Variants in CAGE1 observed in about 807,000 individuals in gnomAD.
CAGE1 encodes the protein cancer-associated gene 1 protein.
Under a neutral mutation model 94.9 loss-of-function variants are expected in CAGE1, and 66 were observed. That is an observed-to-expected ratio of 0.70 (90% CI 0.57 to 0.85). The LOEUF (loss-of-function observed/expected upper bound fraction) is 0.85. Among genes scored for constraint, CAGE1 ranks in the 40% least tolerant of loss-of-function variants. The pLI is 0.00. For synonymous variants in CAGE1, 319 were observed against 321.0 expected, an observed-to-expected ratio of 0.99 and a Z score of 0.07; for missense variants, 865 against 950.4, an observed-to-expected ratio of 0.91 and a Z score of 1.18.
chr6:7,352,290 C>CAAAA (rs77426667), intron 11 of CAGE1, among the ~76,000 whole-genome samples: 9 of 43,618 alleles, frequency 2.1e-4, no homozygotes, highest in South Asian at 9.9e-4. Flanking sequence ...ACAATAGCTG[C>CAAAA]AAAAAAAAAA....
At chr6:7,349,360 T>C (rs1759683660) in intron 11 of CAGE1, among the ~76,000 whole-genome samples, 1 of 152,188 alleles carries the variant, frequency 6.6e-6, no homozygotes, top group African/African-American at 2.4e-5. Flanking sequence ...AAACAAATGC[T>C]GAGAGAATTC....
At chr6:7,384,561 AT>A (rs1761049265) in intron 3 of CAGE1, among the ~76,000 whole-genome samples, 1 of 152,134 alleles carries the variant, frequency 6.6e-6, no homozygotes, top group South Asian at 2.1e-4. Context: ...GAGCCCAGGA[AT>A]TTGAGACCAG....
At chr6:7,341,486 A>G (rs1334330496) in intron 11 of CAGE1, 3 of 1,170,074 alleles carry the variant, frequency 2.6e-6, no homozygotes, top group African/African-American at 3.0e-5. Context: ...CAGGTATTCC[A>G]TCGCGAGTCT....
At chr6:7,342,137 C>A in intron 11 of CAGE1, 1 of 1,010,732 alleles carries the variant, frequency 9.9e-7, no homozygotes. Context: ...GCTTCACAAT[C>A]ACTCAGTTGG....
chr6:7,350,055 G>A (rs1470210656), intron 11 of CAGE1, among the ~76,000 whole-genome samples: 2 of 152,102 alleles, frequency 1.3e-5, no homozygotes, highest in Non-Finnish European at 2.9e-5. Flanking sequence ...AAAGTAAAGG[G>A]GTGGAAAAAG....
At position 7,378,993 on chromosome 6, in the gene CAGE1, T is replaced by C. The variant is rs762640407; in HGVS notation, c.311A>G (p.Asn104Ser). Residue 104 changes from asparagine to serine, a missense_variant, in exon 4 of 14, where the codon AAT becomes AGT. Coordinates refer to ENST00000502583, the MANE Select transcript of CAGE1 (RefSeq NM_001170692.2). ...NDNNIENYST[N>S]ALIQPVDTIS... ...GGTGTCAACTGGCTGAATTAGTGCA[T>C]TCGTTGAGTAATTTTCAATGTTGTT... 1 of 1,536,090 alleles carries C rather than the reference T, an allele frequency of 6.5e-7. No individual in the cohort carries two copies. Among genetic ancestry groups the C allele is most frequent in the Admixed American group, 2.2e-5 (1 of 46,330 alleles).
At chr6:7,358,979 GTA>G (rs1760076533) in intron 9 of CAGE1, among the ~76,000 whole-genome samples, 1 of 152,128 alleles carries the variant, frequency 6.6e-6, no homozygotes, top group Non-Finnish European at 1.5e-5. Flanking sequence ...CCAAGCCTTA[GTA>G]TAGTCAGTCT....
intron 1 of CAGE1, among the ~76,000 whole-genome samples, chr6:7,387,863 C>CAAAAAAAAAA (rs70978962): frequency 3.7e-5 from 4 of 108,918 alleles, no homozygotes; most frequent in African/African-American, 6.7e-5. Context: ...ACTAAAAATA[C>CAAAAAAAAAA]AAAAAAAAAA....
chr6:7,351,008 C>T (rs924307468), intron 11 of CAGE1, among the ~76,000 whole-genome samples: 2 of 151,926 alleles, frequency 1.3e-5, no homozygotes, highest in Non-Finnish European at 2.9e-5. Context: ...ATTGATAGAT[C>T]ATTTATTAGA....
In CAGE1 at chr6:7,347,512, G is replaced by C. The variant is rs1310936296; in HGVS notation, c.2369+7529C>G. 4.8e-5 allele frequency: 6 copies of C among 126,304 alleles called. 1 individual carries two copies. The highest frequency in any genetic ancestry group is 3.1e-4 in the South Asian group (1 of 3,278). The allele number at this position is 126,304 out of a possible 1,614,324, so 7.8% of individuals were successfully genotyped here. A position where few individuals can be genotyped will look rare whatever the true frequency, so the allele number is the denominator to read the frequency against. ...GGATCCAAAGCGAGGGTGGGGGGGG[G>C]GGTTGGGGGGGGCGGTGGGGGAACT... On this transcript the variant is annotated intron_variant, in intron 11 of 13. Transcript: ENST00000502583.
chr6:7,328,279 A>G (rs1259933291), intron 13 of CAGE1, among the ~76,000 whole-genome samples: 1 of 152,174 alleles, frequency 6.6e-6, no homozygotes, highest in African/African-American at 2.4e-5. Context: ...TCCTGTACTC[A>G]AAGAGTTCTA....
chr6:7,374,911 T>C (rs58343762), intron 4 of CAGE1, among the ~76,000 whole-genome samples: 13,844 of 151,970 alleles, frequency 0.091, 1,467 homozygotes, highest in African/African-American at 0.26. Flanking sequence ...ATGCTTATAA[T>C]CCCAGCTACT....
chr6:7,327,878 C>T (rs370702378), intron 13 of CAGE1, among the ~76,000 whole-genome samples: 2 of 151,848 alleles, frequency 1.3e-5, no homozygotes, highest in South Asian at 2.1e-4. Context: ...TGCAGTGAGC[C>T]GAGATTGCGC....
Position 7,373,607 on chromosome 6 carries a change from T to G in CAGE1, c.1212A>C (p.Glu404Asp), listed in dbSNP as rs766691727. 6.2e-7 allele frequency: 1 copy of G among 1,613,482 alleles called. No individual in the cohort carries two copies. The highest frequency in any genetic ancestry group is 8.5e-7 in the Non-Finnish European group (1 of 1,179,784). ...TCTTCTTAAATTGAAGCTGTAACAT[T>G]TCCTTGTCATTCCTGGATTCCTGAA... ...KHLQESRNDK[E>D]MLQLQFKKIK... The change falls in exon 5 of 14, where the codon GAA becomes GAC. Residue 404 changes from glutamate (E) to aspartate (D), a missense_variant. Physicochemically the swap from Glu to Asp is conservative, Grantham distance 45. Coordinates refer to ENST00000502583, the MANE Select transcript of CAGE1 (RefSeq NM_001170692.2).
At chr6:7,345,283 G>A (rs545642699) in intron 11 of CAGE1, among the ~76,000 whole-genome samples, 115 of 152,304 alleles carry the variant, frequency 7.6e-4, no homozygotes, top group African/African-American at 2.6e-3. Flanking sequence ...TTGCAGCACT[G>A]ACTGTTAAAG....
At position 7,335,120 on chromosome 6, in the gene CAGE1, C is replaced by T. The variant is rs552038088; in HGVS notation, c.2370-1030G>A. On this transcript the variant is annotated intron_variant, in intron 11 of 13. Transcript: ENST00000502583. ...CACCTTTTCTCCCCGTTTCCACTGT[C>T]ATGTTGACTCTTTATCTTCTGTCAT... 7.9e-5 allele frequency among the ~76,000 whole-genome samples: 12 copies of T among 152,330 alleles called. No individual in the cohort carries two copies. The South Asian group carries it at 2.3e-3, about 29-fold the overall frequency.
At position 7,362,614 on chromosome 6, in the gene CAGE1, C is replaced by T. The variant is rs148069907; in HGVS notation, c.2193+2854G>A. On this transcript the variant is annotated intron_variant, in intron 9 of 13. Coordinates refer to ENST00000502583, the MANE Select transcript of CAGE1 (RefSeq NM_001170692.2). This position sits in a 1 kb window ranked among gnomAD's most constrained non-coding sequence, Gnocchi z 4.1. ...GGGTCAGAAGGACATGAGAGAAGCA[C>T]GCGACGATGTGCCAAGGGAAGCATG... 2.6e-5 allele frequency among the ~76,000 whole-genome samples: 4 copies of T among 152,262 alleles called. No individual in the cohort carries two copies. The East Asian group carries it at 5.8e-4, about 22-fold the overall frequency.
In CAGE1 at chr6:7,373,814, C is replaced by T. The variant is rs1334244898; in HGVS notation, c.1005G>A (p.Lys335=). The change falls in exon 5 of 14, where the codon AAG becomes AAA. Residue 335 remains lysine (K), a synonymous_variant. Transcript: ENST00000502583. ...TCTTCATCTGTAGTTCTTTAACCCT[C>T]TTCTCTAAATACAGGTTACTACACT... ...ELQCSNLYLE[K]RVKELQMKIT... The T allele has an allele frequency of 6.2e-7, 1 of 1,613,778 alleles. No individual in the cohort carries two copies. Among genetic ancestry groups the T allele is most frequent in the African/African-American group, 1.3e-5 (1 of 74,942 alleles).
At chr6:7,357,039 CG>C (rs1328602444) in intron 9 of CAGE1, among the ~76,000 whole-genome samples, 10 of 152,146 alleles carry the variant, frequency 6.6e-5, no homozygotes, top group Admixed American at 5.2e-4. Context: ...TCAGGTGATC[CG>C]CCCCCCGTCG....
Sources: allele counts gnomAD v4.1 joint callset (sites outside exome capture counted in the v4.1 genomes callset), GRCh38; gene constraint gnomAD v4.1.1; non-coding constraint Gnocchi (gnomAD v3.1); transcripts MANE v1.5; gene names NCBI Gene and HGNC (gene_info 2026-07-23, HGNC 2026-07-21).